The following ZNF606 variants were observed in gnomAD, a reference collection of about 807,000 sequenced individuals.
ZNF606 encodes zinc finger protein 606.
A neutral mutation model predicts 74.9 loss-of-function variants in ZNF606; 37 were observed. The observed-to-expected ratio is 0.49, with a 90% CI of 0.38 to 0.65. ZNF606 has a LOEUF of 0.65. Among genes scored for constraint, ZNF606 ranks in the 30% least tolerant of loss-of-function variants. ZNF606 has a pLI of 0.00. For synonymous variants in ZNF606, 328 were observed against 312.4 expected (o/e 1.05, Z -0.53); for missense variants, 852 against 952.9 (o/e 0.89, Z 1.39).
In ZNF606 at chr19:58,002,698, G is replaced by C. The variant is rs755554199; in HGVS notation, c.-354C>G. 3 of 454,120 alleles carry C rather than the reference G, an allele frequency of 6.6e-6. No individual in the cohort carries two copies. In the Admixed American group the frequency reaches 7.1e-5, roughly 11 times the overall value. The allele number at this position is 454,120 out of a possible 1,614,324, so 28.1% of individuals were successfully genotyped here. ...AAAGGGCAGGCGCAGGACCCACCCTGACGCCGCCTCTCCCAGCCGGCTCTC... is the reference window on the plus strand; with the variant it reads ...AAAGGGCAGGCGCAGGACCCACCCTCACGCCGCCTCTCCCAGCCGGCTCTC... On this transcript the variant is annotated 5_prime_UTR_variant, in exon 1 of 7. Transcript: ENST00000551380.
At chr19:57,991,510 A>C (rs191153344) in intron 4 of ZNF606, among the ~76,000 whole-genome samples, 5 of 152,174 alleles carry the variant, frequency 3.3e-5, no homozygotes, top group African/African-American at 1.2e-4. Context: ...TTTTTATTTA[A>C]ATGTAACATG....
In ZNF606 at chr19:58,000,477, G is replaced by A. The variant is rs150254286; in HGVS notation, c.88+206C>T. The A allele has an allele frequency of 5.0e-3, 3,259 of 648,134 alleles. 63 individuals carry two copies. The highest frequency in any genetic ancestry group is 0.05 in the African/African-American group (2,805 of 55,914). 40.1% of individuals were successfully genotyped at this position (648,134 alleles called of 1,614,324 possible). A position where few individuals can be genotyped will look rare whatever the true frequency, so the allele number is the denominator to read the frequency against. On this transcript the variant is annotated intron_variant, in intron 3 of 6. Transcript: ENST00000551380. The stretch of plus-strand genomic sequence containing the variant: ...CCTGACCTCGTGATCCACTCGCCTC[G>A]GCCTCCCAAAGTGCTGTAGGCGTGA...
chr19:57,994,820 C>G (rs1364887052), intron 4 of ZNF606, among the ~76,000 whole-genome samples: 1 of 152,122 alleles, frequency 6.6e-6, no homozygotes, highest in East Asian at 1.9e-4. Context: ...GGTATTTTCT[C>G]CCAGAGTGGG....
chr19:57,980,947 A>G (rs1265490188), intron 6 of ZNF606, among the ~76,000 whole-genome samples: 2 of 152,170 alleles, frequency 1.3e-5, no homozygotes, highest in Non-Finnish European at 2.9e-5. Flanking sequence ...ACTCCTAGGA[A>G]TTAAGATCTT....
At chr19:57,984,247 T>G (rs1202382303) in intron 6 of ZNF606, among the ~76,000 whole-genome samples, 2 of 152,164 alleles carry the variant, frequency 1.3e-5, no homozygotes, top group Non-Finnish European at 2.9e-5. Context: ...ATCTAGAAAG[T>G]AGAGACAAGA....
At chr19:57,988,352 G>A (rs1156461735) in intron 5 of ZNF606, 50 bp from the exon 6 acceptor site, 1 of 1,550,918 alleles carries the variant, frequency 6.4e-7, no homozygotes, top group Non-Finnish European at 8.8e-7. Flanking sequence ...CTTCAGGACA[G>A]CCAAAGAAAG....
rs58880503 is a variant in ZNF606 at position 57,992,024 on chromosome 19, T to C, written c.178-3303A>G. Among the ~76,000 whole-genome samples the C allele has an allele frequency of 9.6e-3, 1,460 of 152,220 alleles. 31 individuals are homozygous for C. Among genetic ancestry groups the C allele is most frequent in the African/African-American group, 0.032 (1,310 of 41,520 alleles). ...AACAAGGTGCAAACCCACACCCTAA[T>C]GGCTGACCAGCTGGTAGACTAAGCC... On this transcript the variant is annotated intron_variant, in intron 4 of 6. Transcript: ENST00000551380.
At chr19:57,983,993 C>A (rs2073128425) in intron 6 of ZNF606, among the ~76,000 whole-genome samples, 1 of 152,124 alleles carries the variant, frequency 6.6e-6, no homozygotes, top group Non-Finnish European at 1.5e-5. Context: ...GAAATAGTAC[C>A]TGAGGTGGCT....
rs16988328 is a variant in ZNF606 at position 57,980,365 on chromosome 19, T to C, written c.401-86A>G. On this transcript the variant is annotated intron_variant, in intron 6 of 6. Coordinates refer to ENST00000551380, the MANE Select transcript of ZNF606 (RefSeq NM_001348022.3). ...ATGGTGAGATTTACTGTCCATATTA[T>C]CAAAAACACTAGTATAAATTTGTTT... 9.7e-4 allele frequency: 1,302 copies of C among 1,346,792 alleles called. 16 individuals carry two copies. The East Asian group carries it at 0.024, about 24-fold the overall frequency. 83.4% of individuals were successfully genotyped at this position (1,346,792 alleles called of 1,614,324 possible).
At chr19:57,996,489 G>A (rs111235082) in intron 4 of ZNF606, among the ~76,000 whole-genome samples, 3,171 of 152,266 alleles carry the variant, frequency 0.021, 123 homozygotes, top group African/African-American at 0.073. Flanking sequence ...AACGCAATGA[G>A]ACTCTGCCTC....
At position 57,979,719 on chromosome 19, in the gene ZNF606, C is replaced by T. The variant is rs773633439; in HGVS notation, c.961G>A (p.Glu321Lys). The part of the protein sequence containing the change: ...HTGEKLYEYK[E>K]CHQIFNQSPS... ...CTCTGGTTAAAGATTTGATGGCATT[C>T]CTTATATTCATAGAGTTTTTCTCCT... Residue 321 changes from glutamate to lysine, a missense_variant, in exon 7 of 7, where the codon GAA (glutamate) becomes AAA (lysine). This residue lies in a region of ZNF606 where 545 missense variants were observed against 542.5 expected (regional missense o/e 1.00). Coordinates refer to ENST00000551380, the MANE Select transcript of ZNF606 (RefSeq NM_001348022.3). 9 of 1,613,220 alleles carry T rather than the reference C, an allele frequency of 5.6e-6. No homozygotes were observed. The highest frequency in any genetic ancestry group is 7.6e-6 in the Non-Finnish European group (9 of 1,179,878).
At chr19:57,991,332 C>A (rs772131713) in intron 4 of ZNF606, among the ~76,000 whole-genome samples, 9 of 152,184 alleles carry the variant, frequency 5.9e-5, no homozygotes, top group Non-Finnish European at 1.2e-4. Flanking sequence ...TCTGCCTTTA[C>A]CTTCTTGGCC....
chr19:57,992,942 G>T (rs1009674066), intron 4 of ZNF606, among the ~76,000 whole-genome samples: 1 of 152,184 alleles, frequency 6.6e-6, no homozygotes, highest in African/African-American at 2.4e-5. Context: ...AATGATAAAA[G>T]GAACTTTACA....
intron 6 of ZNF606, among the ~76,000 whole-genome samples, chr19:57,981,192 A>C (rs2073080619): frequency 6.6e-6 from 1 of 152,106 alleles, no homozygotes; most frequent in African/African-American, 2.4e-5. Flanking sequence ...TCCTAGTAGA[A>C]ATTTCGCACG....
chr19:58,002,728 C>T lies in ZNF606; in HGVS notation c.-384G>A. On this transcript the variant is annotated 5_prime_UTR_variant, in exon 1 of 7. Transcript: ENST00000551380. ...CGCCTCTCCCAGCCGGCTCTCCTGACCCCCCAAGCCCCGCAGCTACGGCGG... is the reference window on the plus strand; with the variant it reads ...CGCCTCTCCCAGCCGGCTCTCCTGATCCCCCAAGCCCCGCAGCTACGGCGG... 2.5e-6 allele frequency: 1 copy of T among 392,294 alleles called. No individual in the cohort carries two copies. The highest frequency in any genetic ancestry group is 5.0e-6 in the Non-Finnish European group (1 of 198,706). 24.3% of individuals were successfully genotyped at this position (392,294 alleles called of 1,614,324 possible).
intron 3 of ZNF606, 52 bp downstream of exon 3, chr19:58,000,631 C>T (rs754215576): frequency 1.3e-5 from 20 of 1,595,840 alleles, no homozygotes; most frequent in East Asian, 4.5e-5. Context: ...CAGAGCACTA[C>T]AGCCAGAGGC....
rs1568585170 is a variant in ZNF606, at chr19:57,999,809, T to A, written c.176A>T (p.Gln59Leu). ...GGGAACAGGACAGCCCCATCTCACC[T>A]GAACCTGGGCTGCTGGGAGCCCAGT... ...RATGLPAAQV[Q>L]EPVTFKDVAV... The change falls in exon 4 of 7, where the codon CAG becomes CTG. Residue 59 changes from glutamine (Q) to leucine (L), a missense_variant and splice_region_variant. Transcript: ENST00000551380. 5 of 1,614,064 alleles carry A rather than the reference T, an allele frequency of 3.1e-6. No individual in the cohort carries two copies. The highest frequency in any genetic ancestry group is 3.4e-6 in the Non-Finnish European group (4 of 1,179,992).
intron 6 of ZNF606, among the ~76,000 whole-genome samples, chr19:57,980,797 T>G (rs929461419): frequency 2.1e-5 from 3 of 141,546 alleles, no homozygotes; most frequent in African/African-American, 8.1e-5. Context: ...ATCGCGCCAC[T>G]GCACTTCAGC....
intron 6 of ZNF606, among the ~76,000 whole-genome samples, chr19:57,982,353 T>C (rs766366914): frequency 1.8e-4 from 27 of 152,238 alleles, no homozygotes; most frequent in Non-Finnish European, 7.4e-5. Context: ...AAAAGGACCC[T>C]TGTGAGTACA....
Sources: allele counts gnomAD v4.1 joint callset (sites outside exome capture counted in the v4.1 genomes callset), GRCh38; gene constraint gnomAD v4.1.1; regional missense constraint gnomAD v4.1.1; transcripts MANE v1.5; gene names NCBI Gene and HGNC (gene_info 2026-07-23, HGNC 2026-07-21).